The following PTPRD variants were observed in gnomAD, a reference collection of about 807,000 sequenced individuals.
PTPRD encodes the protein receptor-type tyrosine-protein phosphatase delta.
In PTPRD, 34 loss-of-function variants were observed where a neutral mutation model predicts 214.5. The observed-to-expected ratio is 0.16, with a 90% CI of 0.12 to 0.21. The LOEUF is 0.21. PTPRD is among the 10% of genes least tolerant of loss of function. The probability of loss-of-function intolerance (pLI) is 1.00; values close to 1 mark genes in which losing one functional copy is unlikely to be tolerated. For missense variants in PTPRD, 2,545 were observed against 2,398.7 expected (o/e 1.06, Z -1.27); for synonymous variants, 1,128 against 845.7 (o/e 1.33, Z -5.79).
intron 3 of PTPRD, among the ~76,000 whole-genome samples, chr9:10,038,523 T>C (rs1193616418): frequency 6.6e-6 from 1 of 152,150 alleles, no homozygotes; most frequent in Admixed American, 6.5e-5. Flanking sequence ...ATATCTTATG[T>C]AGTTACTCCA....
intron 2 of PTPRD, among the ~76,000 whole-genome samples, chr9:10,533,335 C>G (rs192169255): frequency 6.6e-6 from 1 of 152,180 alleles, no homozygotes; most frequent in East Asian, 1.9e-4. Flanking sequence ...AGCATCCAGC[C>G]ATCATACATC....
intron 3 of PTPRD, among the ~76,000 whole-genome samples, chr9:10,274,215 G>A (rs1283702182): frequency 6.6e-6 from 1 of 152,118 alleles, no homozygotes; most frequent in Non-Finnish European, 1.5e-5. Flanking sequence ...GATCATTTCA[G>A]ACAGAAATCC....
chr9:9,227,170 G>A (rs138127077), intron 9 of PTPRD, among the ~76,000 whole-genome samples: 16 of 152,152 alleles, frequency 1.1e-4, no homozygotes, highest in Non-Finnish European at 2.2e-4. Flanking sequence ...TACCATCCCC[G>A]AAGTACAATC....
rs930749639 is a variant in PTPRD at position 10,240,242 on chromosome 9, G to A, written c.-545+100721C>T. 6.6e-5 allele frequency among the ~76,000 whole-genome samples: 10 copies of A among 151,950 alleles called. No homozygotes were observed. The South Asian group carries it at 2.1e-3, about 32-fold the overall frequency. On this transcript the variant is annotated intron_variant, in intron 3 of 45. Transcript: ENST00000381196. ...AACAGATCGTTTTCTCTGTACCTTT[G>A]ATTCTTCCTTCTGAAGGCTCCCATG...
At chr9:10,319,103 C>T (rs1025152144) in intron 3 of PTPRD, among the ~76,000 whole-genome samples, 28 of 152,032 alleles carry the variant, frequency 1.8e-4, no homozygotes, top group Admixed American at 5.9e-4. Context: ...AATGTGGCAA[C>T]GCACACTGTG....
intron 33 of PTPRD, among the ~76,000 whole-genome samples, chr9:8,457,453 ATTT>A (rs1008904065): frequency 6.6e-6 from 1 of 151,478 alleles, no homozygotes; most frequent in Non-Finnish European, 1.5e-5. Flanking sequence ...AGCCCTGGTG[ATTT>A]TTTTTTGTTA....
At chr9:10,387,207 C>T (rs1001782305) in intron 2 of PTPRD, among the ~76,000 whole-genome samples, 2 of 151,646 alleles carry the variant, frequency 1.3e-5, no homozygotes, top group East Asian at 1.9e-4. Context: ...GCACTAACTT[C>T]GCAGTAATTC....
chr9:9,113,277 A>G (rs974241830), intron 10 of PTPRD, among the ~76,000 whole-genome samples: 4 of 152,028 alleles, frequency 2.6e-5, no homozygotes, highest in African/African-American at 9.7e-5. Context: ...GCCCAGCCAT[A>G]CTTCATTTTT....
intron 5 of PTPRD, among the ~76,000 whole-genome samples, chr9:9,910,667 A>G (rs1012632008): frequency 6.6e-6 from 1 of 152,022 alleles, no homozygotes; most frequent in East Asian, 1.9e-4. Context: ...TTTGTCTTTT[A>G]TGCATTATAT....
chr9:10,414,310 T>C (rs141937591), intron 2 of PTPRD, among the ~76,000 whole-genome samples: 3 of 151,974 alleles, frequency 2.0e-5, no homozygotes, highest in African/African-American at 4.8e-5. Context: ...AAAGAAGACA[T>C]ACATGAGGCC....
chr9:8,597,403 C>G (rs963742373), intron 14 of PTPRD, among the ~76,000 whole-genome samples: 3 of 151,966 alleles, frequency 2.0e-5, no homozygotes, highest in Non-Finnish European at 4.4e-5. Context: ...GCTACTTTGG[C>G]TTTTTTTAAA....
At chr9:8,502,037 T>A (rs1193546462) in intron 23 of PTPRD, among the ~76,000 whole-genome samples, 2 of 152,166 alleles carry the variant, frequency 1.3e-5, no homozygotes, top group Admixed American at 6.6e-5. Flanking sequence ...TTGTACATAA[T>A]TATTCATACA....
intron 7 of PTPRD, among the ~76,000 whole-genome samples, chr9:9,578,150 C>G (rs617286): frequency 9.9e-5 from 15 of 151,012 alleles, no homozygotes; most frequent in African/African-American, 3.4e-4. Flanking sequence ...TTAAGCCAAG[C>G]AGGCAAACCA....
chr9:10,190,850 T>C (rs1249444825), intron 3 of PTPRD, among the ~76,000 whole-genome samples: 7 of 151,208 alleles, frequency 4.6e-5, no homozygotes, highest in Non-Finnish European at 8.8e-5. Flanking sequence ...GCTGAAGTAA[T>C]ACACAGGGTA....
chr9:10,229,387 A>G (rs1165620541), intron 3 of PTPRD, among the ~76,000 whole-genome samples: 2 of 152,066 alleles, frequency 1.3e-5, no homozygotes, highest in African/African-American at 2.4e-5. Context: ...ATGCTGCTAT[A>G]AAGACACATG....
chr9:9,918,974 A>ATTGTTT (rs1032303307), intron 5 of PTPRD, among the ~76,000 whole-genome samples: 6 of 152,064 alleles, frequency 3.9e-5, no homozygotes, highest in African/African-American at 1.4e-4. Context: ...GAATGCCATT[A>ATTGTTT]TTGTTTTTTA....
At chr9:8,931,623 C>A (rs890976310) in intron 11 of PTPRD, among the ~76,000 whole-genome samples, 5 of 152,046 alleles carry the variant, frequency 3.3e-5, no homozygotes, top group African/African-American at 1.2e-4. Context: ...TTGTTTGTAT[C>A]CTCTTTTATT....
At chr9:8,561,810 C>G (rs566948090) in intron 14 of PTPRD, among the ~76,000 whole-genome samples, 1 of 149,194 alleles carries the variant, frequency 6.7e-6, no homozygotes, top group Non-Finnish European at 1.5e-5. Context: ...GTAAGGGTAA[C>G]GGTTGAGATG....
At chr9:9,926,085 C>T (rs2084203851) in intron 5 of PTPRD, among the ~76,000 whole-genome samples, 1 of 152,082 alleles carries the variant, frequency 6.6e-6, no homozygotes, top group African/African-American at 2.4e-5. Flanking sequence ...CTGCTTCATC[C>T]TCCTAAAGTG....
Sources: gnomAD v4.1 joint callset for allele counts (sites outside exome capture counted in the v4.1 genomes callset) on GRCh38, gnomAD v4.1.1 for gene constraint, MANE v1.5 for transcripts, NCBI Gene and HGNC (gene_info 2026-07-23, HGNC 2026-07-21) for gene names.